Variants in TSPEAR observed in about 807,000 individuals in gnomAD.
TSPEAR encodes the protein thrombospondin-type laminin G domain and EAR repeat-containing protein.
TSPEAR carries 69 observed loss-of-function variants against 71.6 expected under a neutral mutation model. The observed-to-expected ratio is 0.96, with a 90% CI of 0.79 to 1.18. The LOEUF (loss-of-function observed/expected upper bound fraction) is 1.18, where lower values mean the gene tolerates loss of function less well. Among genes scored for constraint, TSPEAR ranks in the 50% most tolerant of loss-of-function variants. TSPEAR has a pLI of 0.00. For synonymous variants in TSPEAR, 402 were observed against 387.2 expected, an observed-to-expected ratio of 1.04 and a Z score of -0.45; for missense variants, 971 against 894.9, an observed-to-expected ratio of 1.09 and a Z score of -1.09.
chr21:44,585,602 C>T (rs1480600370), intron 1 of TSPEAR, among the ~76,000 whole-genome samples: 8 of 152,102 alleles, frequency 5.3e-5, no homozygotes, highest in African/African-American at 1.9e-4. Context: ...CGGTCATTTT[C>T]TGAACTGGGG....
intron 1 of TSPEAR, chr21:44,602,153 T>G: frequency 4.1e-6 from 1 of 246,798 alleles, no homozygotes; most frequent in East Asian, 9.5e-5. Context: ...ACCCTTCTAA[T>G]AAACTCCTTT....
chr21:44,534,102 A>C (rs2053035309), intron 2 of TSPEAR, among the ~76,000 whole-genome samples, 179 bp from the exon 3 acceptor site: 1 of 125,006 alleles, frequency 8.0e-6, no homozygotes, highest in South Asian at 3.1e-4. Context: ...GGGCCTTCTA[A>C]TTAGCCCTCT....
chr21:44,516,618 G>C (rs1447642349), intron 9 of TSPEAR: 2 of 152,252 alleles, frequency 1.3e-5, no homozygotes, highest in African/African-American at 4.8e-5. Context: ...TCAGCTTCGT[G>C]TGGTCCTGAC....
intron 1 of TSPEAR, among the ~76,000 whole-genome samples, chr21:44,664,684 G>T (rs1985659741): frequency 6.6e-6 from 1 of 152,204 alleles, no homozygotes; most frequent in African/African-American, 2.4e-5. Context: ...CATTTATCAG[G>T]GCAGGATGGT....
At chr21:44,574,871 C>T (rs370710609) in intron 1 of TSPEAR, 51 of 1,612,284 alleles carry the variant, frequency 3.2e-5, no homozygotes, top group Admixed American at 2.0e-4. Context: ...TGTGCAGGCC[C>T]GCCTGCTGCG....
At chr21:44,645,996 G>A (rs897675594) in intron 1 of TSPEAR, among the ~76,000 whole-genome samples, 2 of 150,966 alleles carry the variant, frequency 1.3e-5, no homozygotes, top group African/African-American at 4.9e-5. Flanking sequence ...AAATTACAGC[G>A]TGCCTGTAAT....
chr21:44,637,522 C>G, intron 1 of TSPEAR: 5 of 1,613,550 alleles, frequency 3.1e-6, no homozygotes, highest in Non-Finnish European at 4.2e-6. Flanking sequence ...GTGCCCCAGC[C>G]CCCAGCTTGA....
chr21:44,664,355 C>T (rs1555944273), intron 1 of TSPEAR, among the ~76,000 whole-genome samples: 1 of 152,016 alleles, frequency 6.6e-6, no homozygotes, highest in African/African-American at 2.4e-5. Context: ...TTATAAAATA[C>T]TTAGGGATAA....
At chr21:44,594,470 T>C (rs1012995161) in intron 1 of TSPEAR, among the ~76,000 whole-genome samples, 1 of 152,192 alleles carries the variant, frequency 6.6e-6, no homozygotes, top group African/African-American at 2.4e-5. Flanking sequence ...CACCAGATCT[T>C]GCAAGACCGA....
rs781951732 is a variant in TSPEAR at position 44,533,704 on chromosome 21, A to G, written c.523T>C (p.Cys175Arg). 1 of 1,609,512 alleles carries G rather than the reference A, an allele frequency of 6.2e-7. No homozygotes were observed. Among genetic ancestry groups the G allele is most frequent in the Non-Finnish European group, 8.5e-7 (1 of 1,177,858 alleles). Residue 175 changes from cysteine to arginine, a missense_variant, in exon 3 of 12, where the codon TGC becomes CGC. Transcript: ENST00000323084. ...ACCTACATGTCCACCGGGAGGCCGC[A>G]GTCCGTGGTGAGGGAGAAGACGCCT... ...SAGVFSLTTD[C>R]GLPVDIMADV...
At chr21:44,504,983 G>C (rs2145912109) in intron 10 of TSPEAR, 102 bp from the exon 11 acceptor site, 2 of 807,666 alleles carry the variant, frequency 2.5e-6, no homozygotes, top group Non-Finnish European at 4.2e-6. Flanking sequence ...GAGGAGCCGG[G>C]GCCAAAGTGG....
intron 1 of TSPEAR, among the ~76,000 whole-genome samples, chr21:44,617,000 G>A (rs893805949): frequency 1.3e-5 from 2 of 152,174 alleles, no homozygotes; most frequent in Admixed American, 1.3e-4. Flanking sequence ...AGGGTGCAGT[G>A]GGGAACCCTG....
intron 1 of TSPEAR, chr21:44,579,429 C>A: frequency 2.2e-6 from 1 of 455,720 alleles, no homozygotes; most frequent in Non-Finnish European, 4.0e-6. Flanking sequence ...ACCATGTATC[C>A]CCAGGAGCAC....
chr21:44,646,395 C>G, intron 1 of TSPEAR: 2 of 1,552,574 alleles, frequency 1.3e-6, no homozygotes, highest in Admixed American at 3.7e-5. Flanking sequence ...CTCACTCACT[C>G]ACTCACACAC....
intron 1 of TSPEAR, chr21:44,647,301 A>C (rs782281354): frequency 6.2e-7 from 1 of 1,613,670 alleles, no homozygotes; most frequent in East Asian, 2.2e-5. Context: ...GCCGCCCCGC[A>C]AGCTCCCGCC....
intron 1 of TSPEAR, chr21:44,686,757 T>C (rs2838638): frequency 0.7 from 107,286 of 152,254 alleles, 37,978 homozygotes; most frequent in Middle Eastern, 0.83. Context: ...CACCTCCCAC[T>C]GTGGCTGGAA....
Position 44,612,599 on chromosome 21 carries a change from G to A in TSPEAR, c.83-44594C>T. On this transcript the variant is annotated intron_variant, in intron 1 of 11. Coordinates refer to ENST00000323084, the MANE Select transcript of TSPEAR (RefSeq NM_144991.3). This position sits in a 1 kb window ranked among gnomAD's most constrained non-coding sequence, Gnocchi z 4.1. ...CTCCCCATGCCAACAGGCCTGCTGTGTGCCCATCTGCTGCAAGCCCATCTG... is the reference window on the plus strand; with the variant it reads ...CTCCCCATGCCAACAGGCCTGCTGTATGCCCATCTGCTGCAAGCCCATCTG... The A allele has an allele frequency of 2.5e-6, 4 of 1,613,956 alleles. No homozygotes were observed. The highest frequency in any genetic ancestry group is 3.4e-6 in the Non-Finnish European group (4 of 1,179,990).
chr21:44,600,826 C>CCA lies in TSPEAR; in HGVS notation c.83-32822_83-32821insTG, dbSNP rs782599977. On this transcript the variant is annotated intron_variant, in intron 1 of 11. Coordinates refer to ENST00000323084, the MANE Select transcript of TSPEAR (RefSeq NM_144991.3). Reference sequence around the variant, plus strand: ...GAGCTATGTGTCCAGCCCCTGCTGCCGAGTGACCTGTGAGCCCAGCCCCTG... The same window carrying CCA: ...GAGCTATGTGTCCAGCCCCTGCTGCCCAGAGTGACCTGTGAGCCCAGCCCCTG... 1.2e-6 allele frequency: 2 copies of CCA among 1,605,266 alleles called. 1 individual carries two copies. The highest frequency in any genetic ancestry group is 2.8e-5 in the African/African-American group (2 of 70,608).
chr21:44,596,295 C>A (rs1555927606), intron 1 of TSPEAR, among the ~76,000 whole-genome samples: 1 of 152,176 alleles, frequency 6.6e-6, no homozygotes, highest in African/African-American at 2.4e-5. Flanking sequence ...AGCATTATGA[C>A]CTTATGTAAT....
Sources: gnomAD v4.1 joint callset for allele counts (sites outside exome capture counted in the v4.1 genomes callset) on GRCh38, gnomAD v4.1.1 for gene constraint, Gnocchi (gnomAD v3.1) non-coding constraint, MANE v1.5 for transcripts, NCBI Gene and HGNC (gene_info 2026-07-23, HGNC 2026-07-21) for gene names.